The following NBEA variants were observed in gnomAD, a reference collection of about 807,000 sequenced individuals.
The protein encoded by NBEA is lysosomal-trafficking regulator 2.
Under a neutral mutation model 343.4 loss-of-function variants are expected in NBEA, and 44 were observed. That is an observed-to-expected ratio of 0.13 (90% CI 0.10 to 0.16). The LOEUF (loss-of-function observed/expected upper bound fraction) is 0.16, where lower values mean the gene tolerates loss of function less well. Ranked by LOEUF, NBEA falls within the 10% of genes least tolerant of loss-of-function variation. The pLI is 1.00. For synonymous variants in NBEA, 1,175 were observed against 1,238.7 expected, an observed-to-expected ratio of 0.95 and a Z score of 1.08; for missense variants, 2,555 against 3,631.3, an observed-to-expected ratio of 0.70 and a Z score of 7.62.
At chr13:35,289,064 C>T (rs1378769588) in intron 34 of NBEA, among the ~76,000 whole-genome samples, 1 of 151,798 alleles carries the variant, frequency 6.6e-6, no homozygotes, top group African/African-American at 2.4e-5. Context: ...GAGATAGGGT[C>T]GTTAGCAAAA....
chr13:35,237,805 G>T (rs549305446), intron 34 of NBEA, among the ~76,000 whole-genome samples: 2 of 152,026 alleles, frequency 1.3e-5, no homozygotes, highest in South Asian at 4.2e-4. Context: ...TTTTTCTTAA[G>T]GCACACATTT....
intron 3 of NBEA, 53 bp downstream of exon 3, chr13:35,045,100 T>A: frequency 6.8e-7 from 1 of 1,481,282 alleles, no homozygotes; most frequent in Non-Finnish European, 9.2e-7. Context: ...TAATACTTAA[T>A]GTTCAAAAGT....
chr13:35,432,464 T>C, intron 39 of NBEA, 71 bp downstream of exon 39: 2 of 1,367,526 alleles, frequency 1.5e-6, no homozygotes, highest in Non-Finnish European at 1.9e-6. Context: ...GAGAATTCCT[T>C]CTTTTTTTTT....
At chr13:34,946,962 C>T (rs1181780294) in intron 1 of NBEA, among the ~76,000 whole-genome samples, 1 of 150,198 alleles carries the variant, frequency 6.7e-6, no homozygotes, top group Non-Finnish European at 1.5e-5. Context: ...ATTTTACAAA[C>T]AAGGTGTCTT....
At chr13:35,445,200 T>C (rs1047210168) in intron 39 of NBEA, among the ~76,000 whole-genome samples, 2 of 152,106 alleles carry the variant, frequency 1.3e-5, no homozygotes, top group Admixed American at 6.6e-5. Flanking sequence ...CAGCTTTTTT[T>C]CCCCCTCTTT....
intron 1 of NBEA, among the ~76,000 whole-genome samples, chr13:34,995,918 T>C (rs970570115): frequency 6.6e-6 from 1 of 152,254 alleles, no homozygotes; most frequent in Non-Finnish European, 1.5e-5. Flanking sequence ...TCCTACCTGC[T>C]AATGGGACGT....
intron 1 of NBEA, among the ~76,000 whole-genome samples, chr13:34,966,003 G>A (rs1037323557): frequency 6.6e-6 from 1 of 151,972 alleles, no homozygotes; most frequent in Admixed American, 6.6e-5. Context: ...TACATTAAAG[G>A]TATACATCAA....
At chr13:35,549,888 A>T (rs767368166) in intron 41 of NBEA, among the ~76,000 whole-genome samples, 2 of 152,240 alleles carry the variant, frequency 1.3e-5, no homozygotes, top group Non-Finnish European at 2.9e-5. Context: ...TACTTGTTGT[A>T]AATAAAATTT....
At chr13:35,407,396 T>A (rs1241065197) in intron 38 of NBEA, among the ~76,000 whole-genome samples, 1 of 151,838 alleles carries the variant, frequency 6.6e-6, no homozygotes, top group Non-Finnish European at 1.5e-5. Flanking sequence ...AACAGCTAAA[T>A]TTTTTTTGTT....
At chr13:35,341,363 C>T (rs2152856809) in intron 36 of NBEA, among the ~76,000 whole-genome samples, 1 of 151,870 alleles carries the variant, frequency 6.6e-6, no homozygotes. Flanking sequence ...AGATATGACA[C>T]CAAAAGGACA....
chr13:35,552,312 T>G (rs1444439633), intron 43 of NBEA, among the ~76,000 whole-genome samples: 1 of 152,208 alleles, frequency 6.6e-6, no homozygotes, highest in Non-Finnish European at 1.5e-5. Context: ...TAGCTGGGGT[T>G]ACCTTGTATT....
intron 49 of NBEA, among the ~76,000 whole-genome samples, chr13:35,630,057 AAAAT>A (rs200588152): frequency 4.8e-5 from 7 of 144,848 alleles, no homozygotes; most frequent in Admixed American, 1.4e-4. Context: ...AACACAAAAT[AAAAT>A]AAATTAAATA....
intron 10 of NBEA, among the ~76,000 whole-genome samples, chr13:35,096,040 G>A (rs569372451): frequency 6.6e-6 from 1 of 151,804 alleles, no homozygotes; most frequent in Non-Finnish European, 1.5e-5. Context: ...TTGTATGGCA[G>A]TACACAGAAT....
At chr13:35,202,223 G>A (rs959887295) in intron 31 of NBEA, among the ~76,000 whole-genome samples, 21 of 152,052 alleles carry the variant, frequency 1.4e-4, no homozygotes, top group African/African-American at 4.8e-4. Context: ...CACAGCCTGT[G>A]TTCCTGAAAG....
intron 41 of NBEA, among the ~76,000 whole-genome samples, chr13:35,489,371 CCTACT>C (rs2076420923): frequency 6.6e-6 from 1 of 151,744 alleles, no homozygotes; most frequent in African/African-American, 2.4e-5. Context: ...TTATAAGTTG[CCTACT>C]CTATTGTGTA....
chr13:35,368,866 A>G (rs2041270141), intron 38 of NBEA, among the ~76,000 whole-genome samples: 1 of 151,656 alleles, frequency 6.6e-6, no homozygotes, highest in South Asian at 2.1e-4. Flanking sequence ...CCTAAAATCT[A>G]ATATATATTA....
At chr13:35,661,252 G>A (rs1486451864) in intron 55 of NBEA, among the ~76,000 whole-genome samples, 1 of 152,212 alleles carries the variant, frequency 6.6e-6, no homozygotes, top group South Asian at 2.1e-4. Context: ...AGGAAGGGGA[G>A]GTGGATGATA....
chr13:35,299,729 G>A (rs1160377826), intron 35 of NBEA, among the ~76,000 whole-genome samples: 1 of 152,098 alleles, frequency 6.6e-6, no homozygotes, highest in African/African-American at 2.4e-5. Context: ...TGTCTATGTA[G>A]GTGTGTTTTC....
At chr13:35,558,620 C>CT (rs1161180065) in intron 44 of NBEA, among the ~76,000 whole-genome samples, 47 of 152,184 alleles carry the variant, frequency 3.1e-4, no homozygotes, top group African/African-American at 1.1e-3. Flanking sequence ...CTGACCTGCA[C>CT]TATTACCTTG....
Sources: allele counts gnomAD v4.1 joint callset (sites outside exome capture counted in the v4.1 genomes callset), GRCh38; gene constraint gnomAD v4.1.1; transcripts MANE v1.5; gene names NCBI Gene and HGNC (gene_info 2026-07-23, HGNC 2026-07-21).